Variants in MDN1 observed in about 807,000 individuals in gnomAD.
MDN1 encodes the protein midasin AAA ATPase 1, also known as midasin.
A neutral mutation model predicts 669.2 loss-of-function variants in MDN1; 266 were observed. The ratio of observed to expected loss-of-function variants is 0.40; its 90% CI spans 0.36 to 0.44. The LOEUF is 0.44. Ranked by LOEUF, MDN1 falls within the 20% of genes least tolerant of loss-of-function variation. The probability of loss-of-function intolerance (pLI) is 1.00; values close to 1 mark genes in which losing one functional copy is unlikely to be tolerated. For synonymous variants in MDN1, 2,385 were observed against 2,457.1 expected (o/e 0.97, Z 0.87); for missense variants, 5,940 against 6,754.0 (o/e 0.88, Z 4.22).
At chr6:89,739,472 A>G (rs1816172690) in intron 32 of MDN1, among the ~76,000 whole-genome samples, 1 of 152,136 alleles carries the variant, frequency 6.6e-6, no homozygotes, top group African/African-American at 2.4e-5. Flanking sequence ...TAGGCCCAAT[A>G]TATCATTTCA....
intron 40 of MDN1, among the ~76,000 whole-genome samples, chr6:89,719,585 G>C (rs1022011564): frequency 2.0e-5 from 3 of 152,194 alleles, no homozygotes; most frequent in Non-Finnish European, 1.5e-5. Context: ...GGATAGAACA[G>C]TAATACGAAG....
chr6:89,808,118 T>A (rs1261524565), intron 1 of MDN1, among the ~76,000 whole-genome samples: 1 of 151,924 alleles, frequency 6.6e-6, no homozygotes, highest in African/African-American at 2.4e-5. Context: ...CGAACATTCA[T>A]ATCATTATAT....
intron 29 of MDN1, among the ~76,000 whole-genome samples, chr6:89,743,940 T>C (rs1435467871): frequency 6.6e-6 from 1 of 151,462 alleles, no homozygotes; most frequent in Non-Finnish European, 1.5e-5. Context: ...CCAACCTAGT[T>C]CTATCAACAA....
chr6:89,646,438 T>C, intron 100 of MDN1, 102 bp downstream of exon 100: 1 of 902,788 alleles, frequency 1.1e-6, no homozygotes. Context: ...GGAGCATACC[T>C]ATTAAAACAC....
rs1161054563 is a variant in MDN1, at chr6:89,672,348, A to C, written c.13646T>G (p.Leu4549Arg). ...GAGTTTTGTTAGATGTCCTGATTGCAGTCTCTCAAAGCCTGCTGCCTCATT... is the reference window on the plus strand; with the variant it reads ...GAGTTTTGTTAGATGTCCTGATTGCCGTCTCTCAAAGCCTGCTGCCTCATT... ...PQEDYAGFERLQSGHLTKLLE... is the reference protein window; with the variant it reads ...PQEDYAGFERRQSGHLTKLLE... Residue 4549 changes from leucine to arginine, a missense_variant, in exon 82 of 102, where the codon CTG (leucine) becomes CGG (arginine). Coordinates refer to ENST00000369393, the MANE Select transcript of MDN1 (RefSeq NM_014611.3). 6.2e-7 allele frequency: 1 copy of C among 1,612,552 alleles called. No individual in the cohort carries two copies. The highest frequency in any genetic ancestry group is 8.5e-7 in the Non-Finnish European group (1 of 1,179,702).
At chr6:89,722,492 G>A (rs1449089229) in intron 40 of MDN1, among the ~76,000 whole-genome samples, 1 of 152,190 alleles carries the variant, frequency 6.6e-6, no homozygotes, top group East Asian at 1.9e-4. Flanking sequence ...TCTATATTGT[G>A]AGACCCCAAG....
intron 7 of MDN1, 97 bp from the exon 8 acceptor site, chr6:89,788,054 C>A: frequency 1.9e-6 from 2 of 1,073,600 alleles, no homozygotes; most frequent in South Asian, 2.8e-5. Context: ...CAGACACACC[C>A]TTAAAGGAAA....
chr6:89,666,923 C>T (rs1810292335), intron 84 of MDN1, among the ~76,000 whole-genome samples: 1 of 152,194 alleles, frequency 6.6e-6, no homozygotes, highest in African/African-American at 2.4e-5. Context: ...TAATTCTCTT[C>T]TGATGAATAT....
rs745483606 is a variant in MDN1, at chr6:89,730,765, C to A, written c.5101G>T (p.Asp1701Tyr). The A allele has an allele frequency of 1.2e-6, 2 of 1,614,066 alleles. No homozygotes were observed. The highest frequency in any genetic ancestry group is 3.3e-5 in the Admixed American group (2 of 59,992). The change falls in exon 35 of 102, where the codon GAT becomes TAT. Residue 1701 changes from aspartate (D) to tyrosine (Y), a missense_variant. By Grantham distance (160) the Asp-to-Tyr change is radical. Around this residue, in one of 5 missense-constraint regions of MDN1, gnomAD observed 2,292 missense variants for 2,638.3 expected, o/e 0.87. Coordinates refer to ENST00000369393, the MANE Select transcript of MDN1 (RefSeq NM_014611.3). ...AATGGATGAATTCCCCAAAGGTTAT[C>A]TATTCCAGTGAATTCTTTGGCCTTC... ...RMKAKEFTGIDNLWGIHPFFI... is the reference protein window; with the variant it reads ...RMKAKEFTGIYNLWGIHPFFI...
At chr6:89,759,621 G>A (rs937192385) in intron 17 of MDN1, among the ~76,000 whole-genome samples, 8 of 151,898 alleles carry the variant, frequency 5.3e-5, no homozygotes, top group African/African-American at 1.5e-4. Context: ...AAAAATAGCC[G>A]GGCGTGGTGG....
At chr6:89,790,613 G>T (rs1397168542) in intron 5 of MDN1, among the ~76,000 whole-genome samples, 1 of 152,200 alleles carries the variant, frequency 6.6e-6, no homozygotes, top group Non-Finnish European at 1.5e-5. Flanking sequence ...GTGCTGAGGT[G>T]GCAGTATCAT....
intron 34 of MDN1, 98 bp downstream of exon 34, chr6:89,732,459 G>A: frequency 1.0e-6 from 1 of 984,848 alleles, no homozygotes; most frequent in East Asian, 2.4e-5. Context: ...TCTGAGAAGT[G>A]ATTCAGTAAA....
At chr6:89,648,631 G>A (rs1808642612) in intron 97 of MDN1, among the ~76,000 whole-genome samples, 1 of 151,954 alleles carries the variant, frequency 6.6e-6, no homozygotes, top group Admixed American at 6.6e-5. Flanking sequence ...ACTTTGGGAG[G>A]CCAAGGAGGG....
intron 38 of MDN1, among the ~76,000 whole-genome samples, chr6:89,724,007 G>C (rs971238200): frequency 4.6e-5 from 7 of 152,112 alleles, no homozygotes; most frequent in African/African-American, 1.7e-4. Flanking sequence ...GCTGGGCATA[G>C]TGGCATGCGC....
At chr6:89,718,222 T>C in intron 43 of MDN1, 144 bp downstream of exon 43, 3 of 944,622 alleles carry the variant, frequency 3.2e-6, no homozygotes, top group African/African-American at 3.3e-5. Context: ...CAGCTTCATT[T>C]TACTTTCTAG....
Position 89,803,411 on chromosome 6 carries a change from A to G in MDN1, c.246T>C (p.Ala82=). ...GCAGATCATGGTTGATTTGGCCTCC[A>G]GCTTTAATGGCTTCGGCATTCCTTT... ...LLERNAEAIK[A]GGQINHDLHE... The change falls in exon 2 of 102, where the codon GCT becomes GCC. Residue 82 remains alanine (A), a synonymous_variant. Transcript: ENST00000369393. 3 of 1,614,150 alleles carry G rather than the reference A, an allele frequency of 1.9e-6. No homozygotes were observed. The highest frequency in any genetic ancestry group is 2.5e-6 in the Non-Finnish European group (3 of 1,180,040).
intron 76 of MDN1, among the ~76,000 whole-genome samples, chr6:89,677,317 C>T (rs575958198): frequency 1.3e-5 from 2 of 152,224 alleles, no homozygotes; most frequent in Admixed American, 6.5e-5. Flanking sequence ...TGGTCTTGAA[C>T]TCCTGACCTC....
In MDN1 at chr6:89,688,899, G is replaced by A. The variant is rs1008093999; in HGVS notation, c.11024-91C>T. ...GATGTCAGCAACAGGGCCAGGTGCA[G>A]TGGCTCATGTCTGTAATCCCAGCAC... is the stretch of plus-strand genomic sequence containing the variant. On this transcript the variant is annotated intron_variant, in intron 65 of 101. Coordinates refer to ENST00000369393, the MANE Select transcript of MDN1 (RefSeq NM_014611.3). The A allele has an allele frequency of 2.9e-6, 3 of 1,038,666 alleles. No individual in the cohort carries two copies. The African/African-American group carries it at 4.7e-5, about 16-fold the overall frequency. The allele number at this position is 1,038,666 out of a possible 1,614,324, so 64.3% of individuals were successfully genotyped here.
chr6:89,790,075 T>G (rs190723403), intron 6 of MDN1, 84 bp downstream of exon 6: 2 of 1,600,190 alleles, frequency 1.2e-6, no homozygotes, highest in Middle Eastern at 1.7e-4. Flanking sequence ...ATAACTATTG[T>G]TATATTCCCT....
Sources: allele counts gnomAD v4.1 joint callset (sites outside exome capture counted in the v4.1 genomes callset), GRCh38; gene constraint gnomAD v4.1.1; regional missense constraint gnomAD v4.1.1; transcripts MANE v1.5; gene names NCBI Gene and HGNC (gene_info 2026-07-23, HGNC 2026-07-21).